MEIOB: variants seen among roughly 807,000 people sequenced by gnomAD.
The protein encoded by MEIOB is meiosis-specific with OB domain-containing protein.
In MEIOB, 50 loss-of-function variants were observed where a neutral mutation model predicts 53.1. The ratio of observed to expected loss-of-function variants is 0.94; its 90% CI spans 0.75 to 1.19. MEIOB has a LOEUF of 1.19. Among genes scored for constraint, MEIOB ranks in the 50% most tolerant of loss-of-function variants. The probability of loss-of-function intolerance (pLI) is 0.00; values close to 1 mark genes in which losing one functional copy is unlikely to be tolerated. For missense variants in MEIOB, 551 were observed against 550.8 expected (o/e 1.00, Z 0.00); for synonymous variants, 192 against 182.5 (o/e 1.05, Z -0.42).
At chr16:1,869,530 C>G (rs1899679366) in intron 1 of MEIOB, among the ~76,000 whole-genome samples, 1 of 151,746 alleles carries the variant, frequency 6.6e-6, no homozygotes, top group African/African-American at 2.4e-5. Context: ...TCACTGCAAG[C>G]TCCACCTCCT....
At chr16:1,852,680 C>T (rs1309386711) in intron 9 of MEIOB, among the ~76,000 whole-genome samples, 1 of 151,900 alleles carries the variant, frequency 6.6e-6, no homozygotes, top group Non-Finnish European at 1.5e-5. Context: ...CTCAGTCTCC[C>T]GAGTAGCTGG....
chr16:1,838,045 G>A, intron 12 of MEIOB, 175 bp from the exon 13 acceptor site: 1 of 1,267,814 alleles, frequency 7.9e-7, no homozygotes, highest in Non-Finnish European at 1.1e-6. Context: ...CGCCCAAGCT[G>A]GAGTGCAGCA....
chr16:1,851,350 A>T, intron 9 of MEIOB, among the ~76,000 whole-genome samples: 1 of 152,070 alleles, frequency 6.6e-6, no homozygotes, highest in Non-Finnish European at 1.5e-5. Flanking sequence ...TCACTCTCCC[A>T]TGCAGCGTGC....
intron 12 of MEIOB, among the ~76,000 whole-genome samples, chr16:1,838,456 A>C (rs62038407): frequency 0.18 from 27,075 of 152,150 alleles, 2,569 homozygotes; most frequent in South Asian, 0.27. Context: ...AGCTGGTTTT[A>C]ACAATAAAAA....
At chr16:1,856,871 C>T (rs897118319) in intron 6 of MEIOB, among the ~76,000 whole-genome samples, 2 of 151,356 alleles carry the variant, frequency 1.3e-5, no homozygotes, top group African/African-American at 4.9e-5. Context: ...TCAGGTGATC[C>T]TCCCACTTCA....
Position 1,841,317 on chromosome 16 carries a change from C to A in MEIOB, c.1034+503G>T, listed in dbSNP as rs116524448. 8.9e-3 allele frequency among the ~76,000 whole-genome samples: 1,349 copies of A among 152,238 alleles called. 17 individuals carry two copies. Among genetic ancestry groups the A allele is most frequent in the African/African-American group, 0.032 (1,314 of 41,548 alleles). On this transcript the variant is annotated intron_variant, in intron 11 of 13. Transcript: ENST00000325962. ...ACAGGCGTGAGCCACCGTGCCCGGC[C>A]TGCAGTTTACTTTCTATGCAAGTAA...
intron 6 of MEIOB, 25 bp downstream of exon 6, chr16:1,857,710 T>C: frequency 6.5e-7 from 1 of 1,545,030 alleles, no homozygotes. Context: ...AGATTGCACT[T>C]GGCTTTGTCG....
rs746567623 is a variant in MEIOB, at chr16:1,838,004, T to G, written c.1219-134A>C. On this transcript the variant is annotated intron_variant, in intron 12 of 13. Transcript: ENST00000325962. Reference sequence around the variant, plus strand: ...CAGTAATTACAGCTCAATCGTTTGTTTTTGTTTGTAGAGACAGGGTCTCAC... The same window carrying G: ...CAGTAATTACAGCTCAATCGTTTGTGTTTGTTTGTAGAGACAGGGTCTCAC... 28 of 1,441,506 alleles carry G rather than the reference T, an allele frequency of 1.9e-5. No homozygotes were observed. The African/African-American group carries it at 4.1e-4, about 21-fold the overall frequency. 89.3% of individuals were successfully genotyped at this position (1,441,506 alleles called of 1,614,324 possible).
chr16:1,858,209 T>G (rs568764255), intron 5 of MEIOB, among the ~76,000 whole-genome samples: 1 of 152,292 alleles, frequency 6.6e-6, no homozygotes, highest in Admixed American at 6.5e-5. Flanking sequence ...TCCAAAAAAA[T>G]AGGAGCAAAA....
chr16:1,857,922 T>G lies in MEIOB; in HGVS notation c.341A>C (p.Lys114Thr). 6.6e-7 allele frequency: 1 copy of G among 1,521,228 alleles called. No homozygotes were observed. Among genetic ancestry groups the G allele is most frequent in the South Asian group, 1.3e-5 (1 of 79,896 alleles). The allele number at this position is 1,521,228 out of a possible 1,614,324, so 94.2% of individuals were successfully genotyped here. The change falls in exon 6 of 14, where the codon AAA (lysine) becomes ACA (threonine). Residue 114 changes from lysine (K) to threonine (T), a missense_variant. Transcript: ENST00000325962. ...TGAGTGATTCTCACTGAGCAACAGTTTACAGTTGCTAAATTGCAAAAACAC... is the reference window on the plus strand; with the variant it reads ...TGAGTGATTCTCACTGAGCAACAGTGTACAGTTGCTAAATTGCAAAAACAC... ...KFSPATPSNCKLLLSENHSTV... is the reference protein window; with the variant it reads ...KFSPATPSNCTLLLSENHSTV...
chr16:1,837,729 G>A lies in MEIOB; in HGVS notation c.1305+55C>T, dbSNP rs1372215912. The A allele has an allele frequency of 5.5e-6, 5 of 914,308 alleles. No individual in the cohort carries two copies. The African/African-American group carries it at 8.5e-5, about 15-fold the overall frequency. 56.6% of individuals were successfully genotyped at this position (914,308 alleles called of 1,614,324 possible). A position where few individuals can be genotyped will look rare whatever the true frequency, so the allele number is the denominator to read the frequency against. Reference sequence around the variant, plus strand: ...TTTATCTAGGTTTTTCTTATGGTTTGAATATACAGAATAATAAATATATAG... The same window carrying A: ...TTTATCTAGGTTTTTCTTATGGTTTAAATATACAGAATAATAAATATATAG... On this transcript the variant is annotated intron_variant, in intron 13 of 13. Transcript: ENST00000325962.
At chr16:1,844,273 C>T (rs1300023465) in intron 10 of MEIOB, among the ~76,000 whole-genome samples, 1 of 151,642 alleles carries the variant, frequency 6.6e-6, no homozygotes, top group African/African-American at 2.4e-5. Context: ...CAGGTGCCCC[C>T]TACCATGCCT....
chr16:1,838,081 C>T lies in MEIOB; in HGVS notation c.1219-211G>A, dbSNP rs552182711. 8.7e-5 allele frequency: 77 copies of T among 884,758 alleles called. No homozygotes were observed. In the East Asian group the frequency reaches 2.0e-3, roughly 23 times the overall value. The allele number at this position is 884,758 out of a possible 1,614,324, so 54.8% of individuals were successfully genotyped here. A position where few individuals can be genotyped will look rare whatever the true frequency, so the allele number is the denominator to read the frequency against. On this transcript the variant is annotated intron_variant, in intron 12 of 13. Transcript: ENST00000325962. ...GTGCTATCACAGCTCACTGCAGCCTCGAACTCCCGGGGTCAAGCAATCCTC... is the reference window on the plus strand; with the variant it reads ...GTGCTATCACAGCTCACTGCAGCCTTGAACTCCCGGGGTCAAGCAATCCTC...
intron 1 of MEIOB, among the ~76,000 whole-genome samples, chr16:1,869,698 A>C (rs914006275): frequency 6.6e-5 from 10 of 150,468 alleles, no homozygotes; most frequent in African/African-American, 2.0e-4. Context: ...TGATCCGCCC[A>C]CCTCGGCCTC....
At position 1,853,451 on chromosome 16, in the gene MEIOB, A is replaced by C. The variant is rs142420093; in HGVS notation, c.630-180T>G. Among the ~76,000 whole-genome samples, 295 of 152,332 alleles carry C rather than the reference A, an allele frequency of 1.9e-3. 4 individuals carry two copies. Among genetic ancestry groups the C allele is most frequent in the African/African-American group, 6.8e-3 (283 of 41,574 alleles). On this transcript the variant is annotated intron_variant, in intron 7 of 13. Transcript: ENST00000325962. ...CTCCTAGGGAGAATTTAACAACTCCATGAGAGAACATTCCTTCAACACACA... is the reference window on the plus strand; with the variant it reads ...CTCCTAGGGAGAATTTAACAACTCCCTGAGAGAACATTCCTTCAACACACA...
At chr16:1,859,964 G>C (rs573103008) in intron 5 of MEIOB, among the ~76,000 whole-genome samples, 1 of 152,146 alleles carries the variant, frequency 6.6e-6, no homozygotes, top group Non-Finnish European at 1.5e-5. Context: ...GCTGCTTCCT[G>C]GTCTATCCTC....
At chr16:1,836,975 G>GC (rs1200188569) in intron 13 of MEIOB, among the ~76,000 whole-genome samples, 3 of 152,172 alleles carry the variant, frequency 2.0e-5, no homozygotes, top group Non-Finnish European at 4.4e-5. Context: ...ATGAAGTGAA[G>GC]CAACTAGGCT....
chr16:1,845,753 A>C (rs982488077), intron 9 of MEIOB, among the ~76,000 whole-genome samples: 1 of 152,196 alleles, frequency 6.6e-6, no homozygotes, highest in African/African-American at 2.4e-5. Context: ...ACATTGGCAC[A>C]TGAGTGTGCT....
intron 7 of MEIOB, 104 bp downstream of exon 7, chr16:1,853,996 A>G (rs1899236797): frequency 4.2e-6 from 3 of 705,886 alleles, no homozygotes; most frequent in Non-Finnish European, 7.4e-6. Flanking sequence ...ATCTCCTATC[A>G]TTATCCTCTC....
Sources: gnomAD v4.1 joint callset for allele counts (sites outside exome capture counted in the v4.1 genomes callset) on GRCh38, gnomAD v4.1.1 for gene constraint, MANE v1.5 for transcripts, NCBI Gene and HGNC (gene_info 2026-07-23, HGNC 2026-07-21) for gene names.